Variants in TMEM64 observed in about 807,000 individuals in gnomAD.
The protein encoded by TMEM64 is transmembrane protein 64.
In TMEM64, 19 loss-of-function variants were observed where a neutral mutation model predicts 24.5. The ratio of observed to expected loss-of-function variants is 0.78; its 90% CI spans 0.54 to 1.14. The LOEUF is 1.14. TMEM64 is among the 50% of genes most tolerant of loss of function. The pLI, the probability that TMEM64 is intolerant of heterozygous loss-of-function variation, is 0.00. For missense variants in TMEM64, 487 were observed against 493.0 expected (o/e 0.99, Z 0.12); for synonymous variants, 262 against 224.7 (o/e 1.17, Z -1.49).
Position 90,645,513 on chromosome 8 carries a change from G to C in TMEM64, c.393C>G (p.Ala131=). Residue 131 remains alanine (A), a synonymous_variant, in exon 1 of 3, where the codon GCC becomes GCG. Transcript: ENST00000458549. This position sits in a 1 kb window ranked among gnomAD's most constrained non-coding sequence, Gnocchi z 4.2. ...CCAGGGCCAGGGAAGCGAAGCACAGGGCGGCCAACACGCAGACCAGCACGA... is the reference window on the plus strand; with the variant it reads ...CCAGGGCCAGGGAAGCGAAGCACAGCGCGGCCAACACGCAGACCAGCACGA... ...RSLVLVCVLA[A]LCFASLALVR... 2.6e-6 allele frequency: 4 copies of C among 1,550,462 alleles called. No homozygotes were observed. In the South Asian group the frequency reaches 4.8e-5, roughly 18 times the overall value.
chr8:90,640,998 T>C (rs1443091895), intron 1 of TMEM64, among the ~76,000 whole-genome samples: 1 of 152,226 alleles, frequency 6.6e-6, no homozygotes, highest in Non-Finnish European at 1.5e-5. Flanking sequence ...TCTATTTTGT[T>C]TGCATTTTAC....
chr8:90,628,861 T>C (rs1404167182), intron 2 of TMEM64, among the ~76,000 whole-genome samples: 1 of 152,178 alleles, frequency 6.6e-6, no homozygotes, highest in African/African-American at 2.4e-5. Context: ...AAGCACAATG[T>C]AAATATACTG....
Position 90,622,039 on chromosome 8 carries a change from T to C in TMEM64, c.*3632A>G, listed in dbSNP as rs1159635355. ...TTATTTTCTCAGGCACACAAGTGAT[T>C]TGGATACCAATTATCAAGACATTTT... On this transcript the variant is annotated 3_prime_UTR_variant, in exon 3 of 3. Transcript: ENST00000458549. 1 of 152,156 alleles carries C rather than the reference T, an allele frequency of 6.6e-6. No individual in the cohort carries two copies. Among genetic ancestry groups the C allele is most frequent in the African/African-American group, 2.4e-5 (1 of 41,430 alleles). 9.4% of individuals were successfully genotyped at this position (152,156 alleles called of 1,614,324 possible).
chr8:90,645,763 C>CTT lies in TMEM64; in HGVS notation c.142_143insAA (p.Arg48GlnfsTer60). On this transcript the variant is annotated frameshift_variant, in exon 1 of 3. Coordinates refer to ENST00000458549, the MANE Select transcript of TMEM64 (RefSeq NM_001008495.4). LOFTEE classifies it high-confidence loss of function. This position sits in a 1 kb window ranked among gnomAD's most constrained non-coding sequence, Gnocchi z 4.2. Reference sequence around the variant, plus strand: ...CGCCGCCGCGCTCGCCCCGCCCCCGCGGGGAAGGCGGTCCGCCGGGCCGTC... The same window carrying CTT: ...CGCCGCCGCGCTCGCCCCGCCCCCGCTTGGGGAAGGCGGTCCGCCGGGCCGTC... 2 of 1,044,220 alleles carry CTT rather than the reference C, an allele frequency of 1.9e-6. No homozygotes were observed. Among genetic ancestry groups the CTT allele is most frequent in the Non-Finnish European group, 2.3e-6 (2 of 870,338 alleles). The allele number at this position is 1,044,220 out of a possible 1,614,324, so 64.7% of individuals were successfully genotyped here. A position where few individuals can be genotyped will look rare whatever the true frequency, so the allele number is the denominator to read the frequency against.
At position 90,625,706 on chromosome 8, in the gene TMEM64, G is replaced by A; in HGVS notation, c.1108C>T (p.Leu370=). The A allele has an allele frequency of 6.2e-7, 1 of 1,613,746 alleles. No individual in the cohort carries two copies. The part of the protein sequence containing the change: ...SGSSFYNKRT[L]TFSGGGINVV The stretch of plus-strand genomic sequence containing the variant: ...TTGATTCCACCTCCAGAAAATGTTA[G>A]GGTCCTCTTGTTGTAGAATGAAGAG... Residue 370 remains leucine, a synonymous_variant, in exon 3 of 3, where the codon CTA becomes TTA. Coordinates refer to ENST00000458549, the MANE Select transcript of TMEM64 (RefSeq NM_001008495.4).
intron 1 of TMEM64, among the ~76,000 whole-genome samples, chr8:90,634,065 A>G (rs1243131344): frequency 6.6e-6 from 1 of 151,998 alleles, no homozygotes; most frequent in Non-Finnish European, 1.5e-5. Flanking sequence ...TTAAGAGTAT[A>G]TTGTTGGTTT....
At chr8:90,638,021 T>C (rs1482575672) in intron 1 of TMEM64, among the ~76,000 whole-genome samples, 1 of 152,144 alleles carries the variant, frequency 6.6e-6, no homozygotes, top group Non-Finnish European at 1.5e-5. Flanking sequence ...AACCGCACCT[T>C]CTCTGGGGAA....
chr8:90,625,540 G>T lies in TMEM64; in HGVS notation c.*131C>A. The T allele has an allele frequency of 5.7e-6, 4 of 702,422 alleles. No homozygotes were observed. Among genetic ancestry groups the T allele is most frequent in the Non-Finnish European group, 6.7e-6 (3 of 450,622 alleles). The allele number at this position is 702,422 out of a possible 1,614,324, so 43.5% of individuals were successfully genotyped here. The stretch of plus-strand genomic sequence containing the variant: ...ATTCTTGCTTTAAAAAAAAAAAATT[G>T]TGCAATTTAAAAACTAGTCAGTTTT... On this transcript the variant is annotated 3_prime_UTR_variant, in exon 3 of 3. Transcript: ENST00000458549.
At chr8:90,634,203 A>G (rs1158572063) in intron 1 of TMEM64, among the ~76,000 whole-genome samples, 1 of 152,176 alleles carries the variant, frequency 6.6e-6, no homozygotes, top group Non-Finnish European at 1.5e-5. Context: ...CAATTTTCCC[A>G]GCATTAGATA....
chr8:90,636,665 C>A (rs1332834878), intron 1 of TMEM64, among the ~76,000 whole-genome samples: 3 of 152,186 alleles, frequency 2.0e-5, no homozygotes, highest in African/African-American at 7.2e-5. Flanking sequence ...ATGCATCCAG[C>A]CTTCTCTCCC....
chr8:90,644,986 C>G, intron 1 of TMEM64, 125 bp downstream of exon 1: 1 of 1,066,758 alleles, frequency 9.4e-7, no homozygotes, highest in East Asian at 2.4e-5. Flanking sequence ...GGAAAGTAAT[C>G]GTAACTCCTG....
chr8:90,631,944 ATT>A (rs1809445775), intron 1 of TMEM64, among the ~76,000 whole-genome samples: 1 of 152,232 alleles, frequency 6.6e-6, no homozygotes, highest in Non-Finnish European at 1.5e-5. Flanking sequence ...GAAAGGTAAC[ATT>A]TGTGACTATT....
chr8:90,641,504 T>C (rs562680324), intron 1 of TMEM64, among the ~76,000 whole-genome samples: 10 of 152,202 alleles, frequency 6.6e-5, no homozygotes, highest in Non-Finnish European at 1.0e-4. Context: ...TACCCAGTCC[T>C]CCATAATGTC....
chr8:90,625,648 G>T lies in TMEM64; in HGVS notation c.*23C>A, dbSNP rs1809345663. The T allele has an allele frequency of 2.5e-6, 4 of 1,601,068 alleles. No homozygotes were observed. The highest frequency in any genetic ancestry group is 2.2e-5 in the South Asian group (2 of 89,710). On this transcript the variant is annotated 3_prime_UTR_variant, in exon 3 of 3. Coordinates refer to ENST00000458549, the MANE Select transcript of TMEM64 (RefSeq NM_001008495.4). ...ACCTTAGATAGCACACTAGGCTCTT[G>T]ACAATCACGTATCTCATTAGAATCA...
At chr8:90,640,050 C>T (rs1809581401) in intron 1 of TMEM64, among the ~76,000 whole-genome samples, 1 of 152,164 alleles carries the variant, frequency 6.6e-6, no homozygotes, top group South Asian at 2.1e-4. Context: ...TAAAGGTCAA[C>T]TGCATTCAGT....
chr8:90,629,189 G>A (rs1163809960), intron 2 of TMEM64, among the ~76,000 whole-genome samples: 1 of 152,094 alleles, frequency 6.6e-6, no homozygotes, highest in Admixed American at 6.5e-5. Flanking sequence ...AATCAAACAA[G>A]CGTAAACATG....
In TMEM64 at chr8:90,645,217, T is replaced by C; in HGVS notation, c.689A>G (p.Lys230Arg). 1 of 1,614,172 alleles carries C rather than the reference T, an allele frequency of 6.2e-7. No individual in the cohort carries two copies. Among genetic ancestry groups the C allele is most frequent in the Non-Finnish European group, 8.5e-7 (1 of 1,180,018 alleles). Residue 230 changes from lysine (K) to arginine (R), a missense_variant, in exon 1 of 3, where the codon AAG becomes AGG. Lys to Arg is a conservative substitution (Grantham distance 26). This residue lies in a region of TMEM64 where 419 missense variants were observed against 407.5 expected (regional missense o/e 1.03). Coordinates refer to ENST00000458549, the MANE Select transcript of TMEM64 (RefSeq NM_001008495.4). The surrounding 1 kb of genome is among the most constrained non-coding windows in gnomAD (Gnocchi z 4.2). ...CACTACGCGAATAACCGCGCTCAGC[T>C]TCTCGCTGCTCTGGATCCTGGCGGC... ...WVAARIQSSE[K>R]LSAVIRVVEG...
At chr8:90,635,621 G>C (rs1339428900) in intron 1 of TMEM64, among the ~76,000 whole-genome samples, 3 of 152,028 alleles carry the variant, frequency 2.0e-5, no homozygotes, top group Non-Finnish European at 4.4e-5. Context: ...AGGTACCAGG[G>C]AGTCTAGTCA....
intron 2 of TMEM64, among the ~76,000 whole-genome samples, chr8:90,631,102 T>C (rs938223511): frequency 3.9e-5 from 6 of 152,144 alleles, no homozygotes; most frequent in Non-Finnish European, 8.8e-5. Flanking sequence ...TCACATCAAA[T>C]TGTACTAGAA....
Sources: gnomAD v4.1 joint callset for allele counts (sites outside exome capture counted in the v4.1 genomes callset) on GRCh38, gnomAD v4.1.1 for gene constraint, gnomAD v4.1.1 regional missense constraint, Gnocchi (gnomAD v3.1) non-coding constraint, MANE v1.5 for transcripts, NCBI Gene and HGNC (gene_info 2026-07-23, HGNC 2026-07-21) for gene names.